CNTNAP5: variants seen among roughly 807,000 people sequenced by gnomAD.
CNTNAP5 encodes the protein contactin-associated protein-like 5.
A neutral mutation model predicts 150.2 loss-of-function variants in CNTNAP5; 72 were observed. That is an observed-to-expected ratio of 0.48 (90% CI 0.40 to 0.58). The LOEUF is 0.58. Among genes scored for constraint, CNTNAP5 ranks in the 20% least tolerant of loss-of-function variants. CNTNAP5 has a pLI of 0.00. For missense variants in CNTNAP5, 1,636 were observed against 1,626.2 expected (o/e 1.01, Z -0.10); for synonymous variants, 672 against 619.8 (o/e 1.08, Z -1.25).
At chr2:124,802,059 AG>A (rs1323757993) in intron 19 of CNTNAP5, among the ~76,000 whole-genome samples, 1 of 152,206 alleles carries the variant, frequency 6.6e-6, no homozygotes, top group Non-Finnish European at 1.5e-5. Flanking sequence ...AAATTATAAG[AG>A]GGCCACTCTT....
At chr2:124,252,693 T>A (rs2104781858) in intron 3 of CNTNAP5, among the ~76,000 whole-genome samples, 1 of 152,326 alleles carries the variant, frequency 6.6e-6, no homozygotes, top group South Asian at 2.1e-4. Flanking sequence ...TGAATGGCTT[T>A]GTCAATTTTG....
chr2:124,196,152 C>T (rs1685579136), intron 1 of CNTNAP5, among the ~76,000 whole-genome samples: 2 of 151,948 alleles, frequency 1.3e-5, no homozygotes, highest in Admixed American at 6.6e-5. Flanking sequence ...TGCACAATGG[C>T]TTAAATTGTT....
intron 3 of CNTNAP5, among the ~76,000 whole-genome samples, chr2:124,390,249 G>A (rs949368407): frequency 3.7e-4 from 56 of 152,068 alleles, no homozygotes; most frequent in African/African-American, 1.3e-3. Context: ...TTTTCTTTGT[G>A]ATTTTGATTT....
At chr2:124,731,470 T>C (rs904804083) in intron 13 of CNTNAP5, among the ~76,000 whole-genome samples, 1 of 151,800 alleles carries the variant, frequency 6.6e-6, no homozygotes, top group African/African-American at 2.4e-5. Context: ...TTTAAAAAGG[T>C]TGCCTTTCAG....
intron 6 of CNTNAP5, among the ~76,000 whole-genome samples, chr2:124,449,769 A>T (rs1186652244): frequency 6.6e-6 from 1 of 152,176 alleles, no homozygotes; most frequent in Non-Finnish European, 1.5e-5. Flanking sequence ...TGCTCCAATG[A>T]TTATAAAAGA....
intron 12 of CNTNAP5, among the ~76,000 whole-genome samples, chr2:124,619,102 A>G (rs1057187424): frequency 2.0e-5 from 3 of 152,162 alleles, no homozygotes; most frequent in Non-Finnish European, 4.4e-5. Context: ...TCGGCTTCAT[A>G]CCTCCATCGG....
intron 11 of CNTNAP5, among the ~76,000 whole-genome samples, chr2:124,566,411 T>C (rs1019035367): frequency 6.6e-6 from 1 of 152,106 alleles, no homozygotes. Flanking sequence ...AGGCTAAAAA[T>C]AGAAGATGTC....
At chr2:124,828,222 C>A (rs1682639055) in intron 19 of CNTNAP5, among the ~76,000 whole-genome samples, 1 of 152,148 alleles carries the variant, frequency 6.6e-6, no homozygotes, top group African/African-American at 2.4e-5. Flanking sequence ...TGGCTCACAC[C>A]TCTAATCTCA....
chr2:124,170,119 A>G (rs1374151819), intron 1 of CNTNAP5, among the ~76,000 whole-genome samples: 2 of 152,210 alleles, frequency 1.3e-5, no homozygotes, highest in Non-Finnish European at 2.9e-5. Context: ...GTAATCATCT[A>G]CAACAGGACC....
intron 1 of CNTNAP5, among the ~76,000 whole-genome samples, chr2:124,038,167 C>T (rs897812654): frequency 1.2e-4 from 19 of 152,182 alleles, no homozygotes; most frequent in Non-Finnish European, 2.1e-4. Context: ...AGTGATGGGA[C>T]CCTGTCCGAC....
chr2:124,594,412 G>A (rs1274420907), intron 11 of CNTNAP5, among the ~76,000 whole-genome samples: 1 of 152,082 alleles, frequency 6.6e-6, no homozygotes, highest in Non-Finnish European at 1.5e-5. Flanking sequence ...CCCATTGCTT[G>A]TTTTTCTCAG....
At chr2:124,361,917 G>A (rs1425995210) in intron 3 of CNTNAP5, among the ~76,000 whole-genome samples, 13 of 152,012 alleles carry the variant, frequency 8.6e-5, no homozygotes, top group African/African-American at 1.7e-4. Flanking sequence ...CCTCGCTGCC[G>A]CCTTGCAGTT....
chr2:124,688,085 A>G (rs755429782), intron 13 of CNTNAP5, among the ~76,000 whole-genome samples: 2 of 152,094 alleles, frequency 1.3e-5, no homozygotes, highest in Non-Finnish European at 2.9e-5. Context: ...ATTGCTAGCT[A>G]TAAGATAGTC....
intron 3 of CNTNAP5, among the ~76,000 whole-genome samples, chr2:124,337,030 G>T (rs569502518): frequency 6.6e-6 from 1 of 152,092 alleles, no homozygotes; most frequent in Non-Finnish European, 1.5e-5. Flanking sequence ...ATCCTCTCTA[G>T]CACCTGTTGT....
chr2:124,296,765 C>T (rs1459568564), intron 3 of CNTNAP5, among the ~76,000 whole-genome samples: 3 of 152,124 alleles, frequency 2.0e-5, no homozygotes, highest in African/African-American at 7.2e-5. Context: ...CCTCAATACC[C>T]CCTCTCCCCA....
At chr2:124,060,990 G>A (rs1460021662) in intron 1 of CNTNAP5, among the ~76,000 whole-genome samples, 3 of 152,166 alleles carry the variant, frequency 2.0e-5, no homozygotes, top group Non-Finnish European at 2.9e-5. Flanking sequence ...CCCTGTGAAA[G>A]GTCTGGGGCT....
chr2:124,664,325 GA>G (rs34108388), intron 13 of CNTNAP5, among the ~76,000 whole-genome samples: 1,606 of 106,158 alleles, frequency 0.015, 15 homozygotes, highest in African/African-American at 0.041. Context: ...CCTGTCTCAA[GA>G]AAAAAAAAAA....
intron 1 of CNTNAP5, among the ~76,000 whole-genome samples, chr2:124,171,208 C>G (rs1167893289): frequency 6.6e-6 from 1 of 152,178 alleles, no homozygotes; most frequent in Admixed American, 6.5e-5. Flanking sequence ...CTCCTGTCCT[C>G]TGCAAATGCT....
In CNTNAP5 at chr2:124,435,212, C is replaced by T. The variant is rs550353036; in HGVS notation, c.733+525C>T. Among the ~76,000 whole-genome samples, 8 of 152,178 alleles carry T rather than the reference C, an allele frequency of 5.3e-5. No homozygotes were observed. In the East Asian group the frequency reaches 1.5e-3, roughly 29 times the overall value. ...TGCCCTCACTGTTCCAGAGTAAGCCCCAGACTCACCAGATTCCATTAAACT... is the reference window on the plus strand; with the variant it reads ...TGCCCTCACTGTTCCAGAGTAAGCCTCAGACTCACCAGATTCCATTAAACT... On this transcript the variant is annotated intron_variant, in intron 5 of 23. Coordinates refer to ENST00000682447, the MANE Select transcript of CNTNAP5 (RefSeq NM_001367498.1).
Sources: gnomAD v4.1 joint callset for allele counts (sites outside exome capture counted in the v4.1 genomes callset) on GRCh38, gnomAD v4.1.1 for gene constraint, MANE v1.5 for transcripts, NCBI Gene and HGNC (gene_info 2026-07-23, HGNC 2026-07-21) for gene names.